TSR1: variants seen among roughly 807,000 people sequenced by gnomAD.
TSR1 encodes the protein TSR1 ribosome maturation factor.
Under a neutral mutation model 90.9 loss-of-function variants are expected in TSR1, and 81 were observed. The ratio of observed to expected loss-of-function variants is 0.89; its 90% confidence interval spans 0.74 to 1.07. TSR1 has a LOEUF of 1.07. Ranked by LOEUF, TSR1 falls within the 50% of genes least tolerant of loss-of-function variation. The pLI, the probability that TSR1 is intolerant of heterozygous loss-of-function variation, is 0.00. For synonymous variants in TSR1, 362 were observed against 348.8 expected, an observed-to-expected ratio of 1.04 and a Z score of -0.42; for missense variants, 989 against 987.3, an observed-to-expected ratio of 1.00 and a Z score of -0.02.
At position 2,324,702 on chromosome 17, in the gene TSR1, C is replaced by A; in HGVS notation, c.2148G>T (p.Met716Ile). 6.2e-7 allele frequency: 1 copy of A among 1,614,148 alleles called. No individual in the cohort carries two copies. Among genetic ancestry groups the A allele is most frequent in the Non-Finnish European group, 8.5e-7 (1 of 1,180,018 alleles). The change falls in exon 13 of 15, where the codon ATG becomes ATT. Residue 716 changes from methionine (M) to isoleucine (I), a missense_variant. By Grantham distance (10) the Met-to-Ile change is conservative. Coordinates refer to ENST00000301364, the MANE Select transcript of TSR1 (RefSeq NM_018128.5). ...CTTCATACCCACCTCTGTTGAAGAA[C>A]ATGTAACGTACTACTGCCATCTTAG... ...IFTKMAVVRYMFFNREDVLWF... is the reference protein window; with the variant it reads ...IFTKMAVVRYIFFNREDVLWF...
chr17:2,333,090 C>G lies in TSR1; in HGVS notation c.1176G>C (p.Lys392Asn), dbSNP rs753157939. Reference protein sequence around the residue: ...FLKESSKVVKKVPKGTSSYQA... With the variant: ...FLKESSKVVKNVPKGTSSYQA... ...GGTAACTGGATGTTCCTTTGGGGAC[C>G]TTCTTTACCACCTTAGAACTTTCCT... Residue 392 changes from lysine (K) to asparagine (N), a missense_variant, in exon 7 of 15, where the codon AAG becomes AAC. Transcript: ENST00000301364. 6 of 1,613,902 alleles carry G rather than the reference C, an allele frequency of 3.7e-6. No individual in the cohort carries two copies. The Admixed American group carries it at 6.7e-5, about 18-fold the overall frequency.
chr17:2,335,982 T>A, intron 2 of TSR1, 55 bp downstream of exon 2: 1 of 1,573,230 alleles, frequency 6.4e-7, no homozygotes, highest in Non-Finnish European at 8.7e-7. Context: ...CTTCGAGGCA[T>A]TAGCCACCTA....
chr17:2,329,717 T>G (rs917056396), intron 10 of TSR1, among the ~76,000 whole-genome samples: 1 of 152,128 alleles, frequency 6.6e-6, no homozygotes, highest in African/African-American at 2.4e-5. Context: ...CCTACCTTCC[T>G]GCACCTAACA....
intron 11 of TSR1, among the ~76,000 whole-genome samples, chr17:2,328,179 G>A (rs1303357795): frequency 6.7e-6 from 1 of 148,400 alleles, no homozygotes; most frequent in Admixed American, 6.9e-5. Context: ...GAAGGCAGAG[G>A]TTGCAGTGAG....
chr17:2,330,289 T>C (rs767015945), intron 10 of TSR1: 2 of 666,366 alleles, frequency 3.0e-6, no homozygotes, highest in Non-Finnish European at 5.6e-6. Flanking sequence ...TGGAGAAGTC[T>C]CAGAACCACA....
intron 11 of TSR1, 79 bp downstream of exon 11, chr17:2,329,264 T>A: frequency 6.3e-7 from 1 of 1,597,870 alleles, no homozygotes; most frequent in Non-Finnish European, 8.6e-7. Flanking sequence ...TTTGAAACCA[T>A]ATATTTTGGC....
chr17:2,333,538 C>T lies in TSR1; in HGVS notation c.1141+19G>A, dbSNP rs2064022732. Reference sequence around the variant, plus strand: ...AATTCCAGGTCAGATGAATTACAGACAAGTTTACCAATACTGACCCTTTGC... The same window carrying T: ...AATTCCAGGTCAGATGAATTACAGATAAGTTTACCAATACTGACCCTTTGC... On this transcript the variant is annotated intron_variant, in intron 6 of 14. Coordinates refer to ENST00000301364, the MANE Select transcript of TSR1 (RefSeq NM_018128.5). 6.2e-7 allele frequency: 1 copy of T among 1,613,800 alleles called. No individual in the cohort carries two copies. The highest frequency in any genetic ancestry group is 8.5e-7 in the Non-Finnish European group (1 of 1,179,774).
Position 2,324,790 on chromosome 17 carries a change from A to G in TSR1, c.2060T>C (p.Val687Ala). The G allele has an allele frequency of 6.2e-7, 1 of 1,614,146 alleles. No homozygotes were observed. Residue 687 changes from valine to alanine, a missense_variant, in exon 13 of 15, where the codon GTA becomes GCA. By Grantham distance (64) the Val-to-Ala change is moderately conservative (BLOSUM62 0). Transcript: ENST00000301364. ...CTTGATGACCATTCTGTCTGGATCT[A>G]CTGACATAAGATGGCCTGTAGCAAT... Reference protein sequence around the residue: ...SLIATGHLMSVDPDRMVIKRV... With the variant: ...SLIATGHLMSADPDRMVIKRV...
Position 2,329,359 on chromosome 17 carries a change from G to C in TSR1, c.1887C>G (p.Phe629Leu). 6.2e-7 allele frequency: 1 copy of C among 1,614,214 alleles called. No homozygotes were observed. Among genetic ancestry groups the C allele is most frequent in the South Asian group, 1.1e-5 (1 of 91,088 alleles). Residue 629 changes from phenylalanine to leucine, a missense_variant, in exon 11 of 15, where the codon TTC (phenylalanine) becomes TTG (leucine). Phe to Leu is a conservative substitution (Grantham distance 22). Transcript: ENST00000301364. ...ATTGCTAACCTGCAGTGTGCTGAGA[G>C]AATAAAGGTGAGGCTCGGAAGCGCC... ...GFRRFRASPL[F>L]SQHTAADKHK...
Position 2,334,510 on chromosome 17 carries a change from C to T in TSR1, c.943G>A (p.Gly315Arg). ...TCTGGGTCCTTTTGGGGTTTAATTC[C>T]TCTAGGATTTAAAGGGAAAGGGTCT... ...PGDPFPLNPR[G>R]IKPQKDPDMA... is the part of the protein sequence containing the mutation. The change falls in exon 5 of 15, where the codon GGA (glycine) becomes AGA (arginine). Residue 315 changes from glycine to arginine, a missense_variant. Coordinates refer to ENST00000301364, the MANE Select transcript of TSR1 (RefSeq NM_018128.5). The T allele has an allele frequency of 6.2e-7, 1 of 1,614,026 alleles. No individual in the cohort carries two copies. Among genetic ancestry groups the T allele is most frequent in the Non-Finnish European group, 8.5e-7 (1 of 1,179,986 alleles).
Position 2,333,314 on chromosome 17 carries a change from C to T in TSR1, c.1142-190G>A, listed in dbSNP as rs1313633626. On this transcript the variant is annotated intron_variant, in intron 6 of 14. Transcript: ENST00000301364. ...GCAATACTTACACAGCTAAATAAGC[C>T]CTGCAATGAATCCAAAGTTGTTTAT... 3.5e-6 allele frequency: 3 copies of T among 852,472 alleles called. No individual in the cohort carries two copies. The South Asian group carries it at 4.3e-5, about 12-fold the overall frequency. 52.8% of individuals were successfully genotyped at this position (852,472 alleles called of 1,614,324 possible).
rs2151438451 is a variant in TSR1, at chr17:2,323,943, T to A, written c.*253A>T. ...GAAGACATTTTGTTTCCTAGTATTG[T>A]CAACTCTTAGTTATCAGATTCTTAA... is the stretch of plus-strand genomic sequence containing the variant. On this transcript the variant is annotated 3_prime_UTR_variant, in exon 15 of 15. Transcript: ENST00000301364. 1 of 1,394,828 alleles carries A rather than the reference T, an allele frequency of 7.2e-7. No homozygotes were observed. The highest frequency in any genetic ancestry group is 2.3e-5 in the East Asian group (1 of 43,164). The allele number at this position is 1,394,828 out of a possible 1,614,324, so 86.4% of individuals were successfully genotyped here.
intron 11 of TSR1, among the ~76,000 whole-genome samples, chr17:2,327,799 GA>G (rs1400254621): frequency 2.6e-5 from 4 of 151,144 alleles, no homozygotes; most frequent in African/African-American, 9.7e-5. Flanking sequence ...ATTGTGTAAA[GA>G]AAAAAAATGA....
intron 14 of TSR1, 34 bp downstream of exon 14, chr17:2,324,470 T>C (rs765119294): frequency 3.2e-5 from 52 of 1,613,894 alleles, no homozygotes; most frequent in Non-Finnish European, 4.0e-5. Context: ...ACTGCAGAAA[T>C]GCAGACATGG....
chr17:2,324,245 C>G lies in TSR1; in HGVS notation c.2366G>C (p.Trp789Ser). Residue 789 changes from tryptophan to serine, a missense_variant, in exon 15 of 15, where the codon TGG becomes TCG. Trp to Ser is a radical substitution (Grantham distance 177). Coordinates refer to ENST00000301364, the MANE Select transcript of TSR1 (RefSeq NM_018128.5). ...TGTTGAAGAAATCTCACTTTTCAGC[C>G]AGGGTACTGGTTCTGGTACATATGG... is the stretch of plus-strand genomic sequence containing the variant. ...YDPYVPEPVP[W>S]LKSEISSTVP... 4.6e-6 allele frequency: 7 copies of G among 1,532,460 alleles called. No individual in the cohort carries two copies. The highest frequency in any genetic ancestry group is 6.1e-6 in the Non-Finnish European group (7 of 1,146,216). The allele number at this position is 1,532,460 out of a possible 1,614,324, so 94.9% of individuals were successfully genotyped here. A position where few individuals can be genotyped will look rare whatever the true frequency, so the allele number is the denominator to read the frequency against.
Position 2,334,809 on chromosome 17 carries a change from A to G in TSR1, c.644T>C (p.Phe215Ser). The G allele has an allele frequency of 6.2e-7, 1 of 1,614,232 alleles. No individual in the cohort carries two copies. Among genetic ancestry groups the G allele is most frequent in the Non-Finnish European group, 8.5e-7 (1 of 1,180,046 alleles). ...TAACAAGAGGAGTTTGTCATGCGGA[A>G]AGCGCTTCTCCACTGCTTTACTTAG... is the stretch of plus-strand genomic sequence containing the variant. ...KKLSKAVEKRFPHDKLLLLDT... is the reference protein window; with the variant it reads ...KKLSKAVEKRSPHDKLLLLDT... The change falls in exon 5 of 15, where the codon TTT becomes TCT. Residue 215 changes from phenylalanine to serine, a missense_variant. Physicochemically the swap from Phe to Ser is radical, Grantham distance 155. Transcript: ENST00000301364.
In TSR1 at chr17:2,325,033, T is replaced by C. The variant is rs2075567440; in HGVS notation, c.2021-204A>G. ...AACTTGTACTTCAAGAGAAATGATG[T>C]ATAACAAAACCATACTTTTTCTCAT... On this transcript the variant is annotated intron_variant, in intron 12 of 14. Transcript: ENST00000301364. 9.6e-6 allele frequency: 6 copies of C among 623,764 alleles called. No individual in the cohort carries two copies. In the South Asian group the frequency reaches 1.3e-4, roughly 14 times the overall value. The allele number at this position is 623,764 out of a possible 1,614,324, so 38.6% of individuals were successfully genotyped here.
At chr17:2,329,844 T>A (rs1346756830) in intron 10 of TSR1, among the ~76,000 whole-genome samples, 2 of 151,572 alleles carry the variant, frequency 1.3e-5, no homozygotes, top group East Asian at 3.9e-4. Context: ...CCAAAACCGA[T>A]CAAAGAACTA....
chr17:2,331,288 G>A (rs979410384), intron 8 of TSR1, among the ~76,000 whole-genome samples, 179 bp from the exon 9 acceptor site: 5 of 152,094 alleles, frequency 3.3e-5, no homozygotes. Context: ...AAGTTCTATC[G>A]GAACCAAACC....
Sources: allele counts gnomAD v4.1 joint callset (sites outside exome capture counted in the v4.1 genomes callset), GRCh38; gene constraint gnomAD v4.1.1; transcripts MANE v1.5; gene names NCBI Gene and HGNC (gene_info 2026-07-23, HGNC 2026-07-21).